The following PHLDB3 variants were observed in gnomAD, a reference collection of about 807,000 sequenced individuals.
PHLDB3 encodes pleckstrin homology like domain family B member 3.
A neutral mutation model predicts 85.7 loss-of-function variants in PHLDB3; 86 were observed. That is an observed-to-expected ratio of 1.00 (90% CI 0.84 to 1.20). PHLDB3 has a LOEUF of 1.20. PHLDB3 is among the 50% of genes most tolerant of loss of function. PHLDB3 has a pLI of 0.00. For missense variants in PHLDB3, 995 were observed against 873.0 expected (o/e 1.14, Z -1.76); for synonymous variants, 376 against 349.8 (o/e 1.07, Z -0.83).
At position 43,497,172 on chromosome 19, in the gene PHLDB3, G is replaced by A. The variant is rs553918472; in HGVS notation, c.771C>T (p.Pro257=). 17 of 1,555,100 alleles carry A rather than the reference G, an allele frequency of 1.1e-5. No homozygotes were observed. Among genetic ancestry groups the A allele is most frequent in the South Asian group, 9.5e-5 (8 of 84,238 alleles). Residue 257 remains proline (P), a synonymous_variant, in exon 6 of 16, where the codon CCC becomes CCT. Transcript: ENST00000292140. ...CCTGGACCTTGGGGTCTGGCACCTGGGGCCCAGGGCTGTCCCGATCCTCCT... is the reference window on the plus strand; with the variant it reads ...CCTGGACCTTGGGGTCTGGCACCTGAGGCCCAGGGCTGTCCCGATCCTCCT... ...QEEEDRDSPG[P]QVPDPKVQEL...
intron 14 of PHLDB3, among the ~76,000 whole-genome samples, chr19:43,478,357 G>T (rs952922753): frequency 6.6e-6 from 1 of 152,122 alleles, no homozygotes; most frequent in East Asian, 1.9e-4. Flanking sequence ...TGTGGAGCTG[G>T]AATCCTAGGC....
At chr19:43,501,175 C>CTTTTTTT (rs59042804) in intron 4 of PHLDB3, among the ~76,000 whole-genome samples, 6 of 83,600 alleles carry the variant, frequency 7.2e-5, no homozygotes, top group Admixed American at 3.1e-4. Context: ...TTCTTTTTCT[C>CTTTTTTT]TTTTTTTTTT....
chr19:43,504,129 A>G lies in PHLDB3; in HGVS notation c.-11T>C, dbSNP rs754095320. On this transcript the variant is annotated 5_prime_UTR_variant, in exon 2 of 16. Transcript: ENST00000292140. ...GCTTCGCGTCCCCATGGCCGCTGGG[A>G]CTCCTGCGGGGTGGGCGGGACCAGA... is the stretch of plus-strand genomic sequence containing the variant. 1.3e-5 allele frequency: 21 copies of G among 1,577,888 alleles called. No individual in the cohort carries two copies. The highest frequency in any genetic ancestry group is 1.8e-5 in the Non-Finnish European group (21 of 1,164,320).
At position 43,475,486 on chromosome 19, in the gene PHLDB3, AC is replaced by A; in HGVS notation, c.1846del (p.Val616TrpfsTer16). 6.2e-7 allele frequency: 1 copy of A among 1,613,966 alleles called. No individual in the cohort carries two copies. Among genetic ancestry groups the A allele is most frequent in the Admixed American group, 1.7e-5 (1 of 60,016 alleles). On this transcript the variant is annotated frameshift_variant, in exon 16 of 16. Coordinates refer to ENST00000292140, the MANE Select transcript of PHLDB3 (RefSeq NM_198850.4). LOFTEE classifies it high-confidence loss of function. ...VKTYERLFYM[V>X]APSPEAMRIW... is the part of the protein sequence containing the mutation. ...GCGCATGGCTTCGGGGCTCGGAGCC[AC>A]CATGTAGAAAAGGCGTTCGTAGGTT...
chr19:43,490,329 G>T (rs779288001), intron 9 of PHLDB3, among the ~76,000 whole-genome samples: 10 of 152,080 alleles, frequency 6.6e-5, no homozygotes, highest in South Asian at 2.1e-4. Context: ...GAGGTCCAGG[G>T]AAGGCAGATC....
intron 1 of PHLDB3, 36 bp downstream of exon 1, chr19:43,504,553 C>A: frequency 5.2e-6 from 1 of 192,428 alleles, no homozygotes; most frequent in South Asian, 1.1e-4. Context: ...AGTCCCGACC[C>A]CACTGTGCAG....
chr19:43,504,167 G>A, intron 1 of PHLDB3, 35 bp from the exon 2 acceptor site: 2 of 1,522,270 alleles, frequency 1.3e-6, no homozygotes, highest in Non-Finnish European at 1.8e-6. Flanking sequence ...CTCCGGGGGC[G>A]GGGCCTAGGA....
At chr19:43,491,612 C>T (rs1433431319) in intron 9 of PHLDB3, among the ~76,000 whole-genome samples, 1 of 151,808 alleles carries the variant, frequency 6.6e-6, no homozygotes. Flanking sequence ...AACTATTCTC[C>T]TGCCTCAGCC....
chr19:43,478,071 A>T lies in PHLDB3; in HGVS notation c.1764T>A (p.Tyr588Ter). ...CCTTGAAGGCACAGCGTAAGTGGTC[A>T]TAATAGACTTCCTCAATGGCCTGGA... is the stretch of plus-strand genomic sequence containing the variant. ...IYFQAIEEVY[Y>*]DHLRCAFKSP... Residue 588 changes from tyrosine (Y) to a stop codon, truncating the protein, a stop_gained, in exon 15 of 16, where the codon TAT becomes TAA. Coordinates refer to ENST00000292140, the MANE Select transcript of PHLDB3 (RefSeq NM_198850.4). LOFTEE classifies it high-confidence loss of function. 6.2e-7 allele frequency: 1 copy of T among 1,613,648 alleles called. No homozygotes were observed. Among genetic ancestry groups the T allele is most frequent in the Non-Finnish European group, 8.5e-7 (1 of 1,179,580 alleles).
At chr19:43,485,204 G>C (rs951090459) in intron 13 of PHLDB3, among the ~76,000 whole-genome samples, 1 of 151,178 alleles carries the variant, frequency 6.6e-6, no homozygotes, top group Non-Finnish European at 1.5e-5. Context: ...TATTTCTATC[G>C]TAAAAAGGTT....
At chr19:43,490,860 A>G (rs1327630069) in intron 9 of PHLDB3, among the ~76,000 whole-genome samples, 1 of 152,196 alleles carries the variant, frequency 6.6e-6, no homozygotes, top group Non-Finnish European at 1.5e-5. Context: ...TCCTGGGTGC[A>G]TGACGTAGGC....
In PHLDB3 at chr19:43,490,656, G is replaced by C. The variant is rs139573374; in HGVS notation, c.1150-3533C>G. Among the ~76,000 whole-genome samples, 3 of 152,264 alleles carry C rather than the reference G, an allele frequency of 2.0e-5. No individual in the cohort carries two copies. In the East Asian group the frequency reaches 5.8e-4, roughly 29 times the overall value. ...AGGCTCAAATCCCCGTGCTTTACTTGACTTTTTCCTTCCTTCCAGCCACAT... is the reference window on the plus strand; with the variant it reads ...AGGCTCAAATCCCCGTGCTTTACTTCACTTTTTCCTTCCTTCCAGCCACAT... On this transcript the variant is annotated intron_variant, in intron 9 of 15. Transcript: ENST00000292140.
chr19:43,501,990 G>A (rs1233603469), intron 3 of PHLDB3, 111 bp downstream of exon 3: 3 of 1,484,632 alleles, frequency 2.0e-6, no homozygotes, highest in Admixed American at 2.3e-5. Flanking sequence ...TTGGAGGGAG[G>A]AAGAGCGGAG....
Position 43,501,739 on chromosome 19 carries a change from C to G in PHLDB3, c.529G>C (p.Glu177Gln). The G allele has an allele frequency of 6.3e-7, 1 of 1,584,432 alleles. No homozygotes were observed. The highest frequency in any genetic ancestry group is 8.5e-7 in the Non-Finnish European group (1 of 1,171,412). Residue 177 changes from glutamate to glutamine, a missense_variant, in exon 4 of 16, where the codon GAA becomes CAA. Glu to Gln is a conservative substitution (Grantham distance 29). Coordinates refer to ENST00000292140, the MANE Select transcript of PHLDB3 (RefSeq NM_198850.4). Reference protein sequence around the residue: ...ASEQRGRQQREQEQRRLSQER... With the variant: ...ASEQRGRQQRQQEQRRLSQER... Reference sequence around the variant, plus strand: ...ACCCGGTGAGCCAAACAGACCTGTTCCCGCTGCTGGCGGCCGCGCTGCTCC... The same window carrying G: ...ACCCGGTGAGCCAAACAGACCTGTTGCCGCTGCTGGCGGCCGCGCTGCTCC...
Position 43,504,032 on chromosome 19 carries a change from G to A in PHLDB3, c.87C>T (p.Pro29=), listed in dbSNP as rs1971687339. 1 of 1,613,732 alleles carries A rather than the reference G, an allele frequency of 6.2e-7. No homozygotes were observed. The highest frequency in any genetic ancestry group is 1.3e-5 in the African/African-American group (1 of 74,940). Residue 29 remains proline, a synonymous_variant, in exon 2 of 16, where the codon CCC becomes CCT. Coordinates refer to ENST00000292140, the MANE Select transcript of PHLDB3 (RefSeq NM_198850.4). ...ATGCCTCCTGTTCCCGGGACTCCTC[G>A]GGATGGCCCTGGGGCTGGACCTCCA... ...CDVEVQPQGH[P]EESREQEASE... is the part of the protein sequence containing the mutation.
intron 9 of PHLDB3, among the ~76,000 whole-genome samples, chr19:43,492,621 T>C (rs1431494421): frequency 4.6e-5 from 1 of 21,510 alleles, no homozygotes; most frequent in East Asian, 1.1e-3. Flanking sequence ...CCAGACCCTA[T>C]CTCAAAAAAA....
rs1188742528 is a variant in PHLDB3, at chr19:43,497,812, G to A, written c.599C>T (p.Ala200Val). 2 of 1,562,640 alleles carry A rather than the reference G, an allele frequency of 1.3e-6. No individual in the cohort carries two copies. The highest frequency in any genetic ancestry group is 1.7e-6 in the Non-Finnish European group (2 of 1,153,510). The change falls in exon 5 of 16, where the codon GCC becomes GTC. Residue 200 changes from alanine to valine, a missense_variant. Ala to Val is a moderately conservative substitution (Grantham distance 64). Coordinates refer to ENST00000292140, the MANE Select transcript of PHLDB3 (RefSeq NM_198850.4). ...TGGCTGTGAGTCGAGCTGTCCCTGG[G>A]CCTTGCGGAGTCTCTGGCGAAGACC... Reference protein sequence around the residue: ...LEGLRQRLRKAQGQLDSQPED... With the variant: ...LEGLRQRLRKVQGQLDSQPED...
rs376103037 is a variant in PHLDB3 at position 43,475,395 on chromosome 19, A to G, written c.*15T>C. Reference sequence around the variant, plus strand: ...GGAGCCTCGAAGGGACTTCCCCCCAAGAGGGCGGGGCCACTCAGGGGGCGT... The same window carrying G: ...GGAGCCTCGAAGGGACTTCCCCCCAGGAGGGCGGGGCCACTCAGGGGGCGT... On this transcript the variant is annotated 3_prime_UTR_variant, in exon 16 of 16. Coordinates refer to ENST00000292140, the MANE Select transcript of PHLDB3 (RefSeq NM_198850.4). 32 of 1,612,628 alleles carry G rather than the reference A, an allele frequency of 2.0e-5. No individual in the cohort carries two copies. The African/African-American group carries it at 3.7e-4, about 19-fold the overall frequency.
chr19:43,502,375 G>C (rs1388832704), intron 2 of PHLDB3, 92 bp from the exon 3 acceptor site: 2 of 1,281,054 alleles, frequency 1.6e-6, no homozygotes, highest in Non-Finnish European at 2.1e-6. Context: ...ACCCTCTGCG[G>C]GTCTCAGTCC....
Sources: gnomAD v4.1 joint callset for allele counts (sites outside exome capture counted in the v4.1 genomes callset) on GRCh38, gnomAD v4.1.1 for gene constraint, MANE v1.5 for transcripts, NCBI Gene and HGNC (gene_info 2026-07-23, HGNC 2026-07-21) for gene names.